JMJD1C: variants seen among roughly 807,000 people sequenced by gnomAD.
JMJD1C encodes the protein jumonji domain containing 1C, also known as jumonji domain-containing protein 1C.
In JMJD1C, 31 loss-of-function variants were observed where a neutral mutation model predicts 245.3. The observed-to-expected ratio is 0.13, with a 90% CI of 0.09 to 0.17. The LOEUF (loss-of-function observed/expected upper bound fraction) is 0.17, where lower values mean the gene tolerates loss of function less well. Ranked by LOEUF, JMJD1C falls within the 10% of genes least tolerant of loss-of-function variation. The probability of loss-of-function intolerance (pLI) is 1.00; values close to 1 mark genes in which losing one functional copy is unlikely to be tolerated. For synonymous variants in JMJD1C, 1,057 were observed against 1,017.4 expected (o/e 1.04, Z -0.74); for missense variants, 2,691 against 3,000.2 (o/e 0.90, Z 2.41).
intron 1 of JMJD1C, among the ~76,000 whole-genome samples, chr10:63,392,968 G>A (rs542794442): frequency 3.4e-5 from 5 of 145,008 alleles, no homozygotes; most frequent in South Asian, 2.2e-4. Context: ...AGCCAACACC[G>A]TATATGAAAA....
intron 1 of JMJD1C, among the ~76,000 whole-genome samples, chr10:63,394,366 T>G (rs1171432339): frequency 4.6e-5 from 7 of 152,164 alleles, no homozygotes; most frequent in African/African-American, 7.2e-5. Flanking sequence ...CAAATGATAC[T>G]TCGATAACTG....
At chr10:63,351,910 G>C (rs918436686) in intron 2 of JMJD1C, among the ~76,000 whole-genome samples, 4 of 152,164 alleles carry the variant, frequency 2.6e-5, no homozygotes, top group Non-Finnish European at 5.9e-5. Flanking sequence ...TGTAGTCCAA[G>C]GCCATCAGTG....
At chr10:63,499,537 G>A (rs1954475756) in intron 1 of JMJD1C, among the ~76,000 whole-genome samples, 1 of 152,086 alleles carries the variant, frequency 6.6e-6, no homozygotes, top group South Asian at 2.1e-4. Flanking sequence ...GTAGATCATG[G>A]CCTTCGTGTC....
intron 10 of JMJD1C, chr10:63,204,697 G>T (rs968800911): frequency 2.0e-6 from 2 of 985,260 alleles, no homozygotes; most frequent in African/African-American, 3.5e-5. Flanking sequence ...GGTATCCTTC[G>T]ATGTTAATCC....
rs1257539603 is a variant in JMJD1C, at chr10:63,185,493, T to C, written c.6830+70A>G. 3 of 864,004 alleles carry C rather than the reference T, an allele frequency of 3.5e-6. No individual in the cohort carries two copies. The African/African-American group carries it at 5.0e-5, about 14-fold the overall frequency. The allele number at this position is 864,004 out of a possible 1,614,324, so 53.5% of individuals were successfully genotyped here. On this transcript the variant is annotated intron_variant, in intron 20 of 25. Transcript: ENST00000399262. The stretch of plus-strand genomic sequence containing the variant: ...GCCTACAGGTCACATTTACGGTTAC[T>C]TATCCTATCTCTGGGGACAGTCTTA...
intron 1 of JMJD1C, among the ~76,000 whole-genome samples, chr10:63,482,662 A>G (rs1317702469): frequency 6.6e-6 from 1 of 152,072 alleles, no homozygotes; most frequent in Non-Finnish European, 1.5e-5. Context: ...AGAGAGAGAG[A>G]GAGACCCCAA....
chr10:63,277,039 G>A (rs1051262815), intron 2 of JMJD1C, among the ~76,000 whole-genome samples: 8 of 150,940 alleles, frequency 5.3e-5, no homozygotes, highest in African/African-American at 1.5e-4. Flanking sequence ...CCACCACCAC[G>A]CCCAGCTAAG....
chr10:63,238,848 CT>C (rs1035410713), intron 3 of JMJD1C, among the ~76,000 whole-genome samples: 1 of 152,136 alleles, frequency 6.6e-6, no homozygotes, highest in Non-Finnish European at 1.5e-5. Context: ...TTTTGAACAC[CT>C]GGTATCAATT....
At chr10:63,288,681 A>G (rs1190324597) in intron 2 of JMJD1C, among the ~76,000 whole-genome samples, 1 of 152,024 alleles carries the variant, frequency 6.6e-6, no homozygotes, top group Non-Finnish European at 1.5e-5. Flanking sequence ...GGTGTTTGAG[A>G]CCAGCCTGGC....
At chr10:63,390,588 AAC>A in intron 1 of JMJD1C, among the ~76,000 whole-genome samples, 1 of 152,082 alleles carries the variant, frequency 6.6e-6, no homozygotes, top group Non-Finnish European at 1.5e-5. Flanking sequence ...CAACAACAAC[AAC>A]AAAATAAAAC....
chr10:63,289,345 G>A (rs1328239782), intron 2 of JMJD1C, among the ~76,000 whole-genome samples: 1 of 152,026 alleles, frequency 6.6e-6, no homozygotes, highest in Admixed American at 6.6e-5. Context: ...TTAGAGGACT[G>A]GTAAGTTACT....
At chr10:63,333,150 T>C (rs147654445) in intron 2 of JMJD1C, among the ~76,000 whole-genome samples, 2 of 152,318 alleles carry the variant, frequency 1.3e-5, no homozygotes, top group African/African-American at 4.8e-5. Flanking sequence ...TTTTTCTATC[T>C]ACAAATGAAA....
intron 2 of JMJD1C, among the ~76,000 whole-genome samples, chr10:63,371,025 T>A (rs1946271021): frequency 6.6e-6 from 1 of 152,290 alleles, no homozygotes. Context: ...TTGCCCAGGC[T>A]GGAGTGCAAT....
intron 1 of JMJD1C, among the ~76,000 whole-genome samples, chr10:63,389,176 T>G (rs940188311): frequency 1.3e-5 from 2 of 151,512 alleles, no homozygotes; most frequent in African/African-American, 4.9e-5. Context: ...ATACAAAAAT[T>G]GGTGACATGC....
chr10:63,207,550 C>T lies in JMJD1C; in HGVS notation c.4119G>A (p.Gln1373=), dbSNP rs1361604135. The change falls in exon 10 of 26, where the codon CAG becomes CAA. Residue 1373 remains glutamine, a synonymous_variant. Coordinates refer to ENST00000399262, the MANE Select transcript of JMJD1C (RefSeq NM_032776.3). ...SVHTKSEKNF[Q]AVSQGSVPSS... is the part of the protein sequence containing the mutation. ...TGGGAACACTGCCCTGTGAGACAGC[C>T]TGAAAGTTTTTTTCAGATTTTGTGT... 1.9e-6 allele frequency: 3 copies of T among 1,614,160 alleles called. No individual in the cohort carries two copies. In the Admixed American group the frequency reaches 5.0e-5, roughly 27 times the overall value.
chr10:63,322,694 T>C (rs1200236347), intron 2 of JMJD1C, among the ~76,000 whole-genome samples: 2 of 147,924 alleles, frequency 1.4e-5, no homozygotes, highest in Non-Finnish European at 3.0e-5. Flanking sequence ...TCCCAGCTAC[T>C]AGGGAGGCTG....
chr10:63,327,126 A>G (rs1941609962), intron 2 of JMJD1C, among the ~76,000 whole-genome samples: 1 of 152,132 alleles, frequency 6.6e-6, no homozygotes, highest in South Asian at 2.1e-4. Context: ...GGCTGATGCT[A>G]CAGTGAGCTG....
chr10:63,460,475 C>T (rs1166005834), intron 1 of JMJD1C, among the ~76,000 whole-genome samples: 1 of 152,122 alleles, frequency 6.6e-6, no homozygotes, highest in Non-Finnish European at 1.5e-5. Context: ...GCAATGATCA[C>T]ACCACTGCAC....
At chr10:63,336,739 A>C (rs74850294) in intron 2 of JMJD1C, among the ~76,000 whole-genome samples, 2 of 152,304 alleles carry the variant, frequency 1.3e-5, no homozygotes, top group African/African-American at 4.8e-5. Flanking sequence ...TGACAATCCG[A>C]TATCAACTTG....
Sources: gnomAD v4.1 joint callset for allele counts (sites outside exome capture counted in the v4.1 genomes callset) on GRCh38, gnomAD v4.1.1 for gene constraint, MANE v1.5 for transcripts, NCBI Gene and HGNC (gene_info 2026-07-23, HGNC 2026-07-21) for gene names.